The following ALOX12B variants were observed in gnomAD, a reference collection of about 807,000 sequenced individuals.
The protein encoded by ALOX12B is arachidonate 12-lipoxygenase, 12R-type.
Under a neutral mutation model 78.9 loss-of-function variants are expected in ALOX12B, and 47 were observed. That is an observed-to-expected ratio of 0.60 (90% CI 0.47 to 0.76). The LOEUF (loss-of-function observed/expected upper bound fraction) is 0.76. Among genes scored for constraint, ALOX12B ranks in the 30% least tolerant of loss-of-function variants. The probability of loss-of-function intolerance (pLI) is 0.00; values close to 1 mark genes in which losing one functional copy is unlikely to be tolerated. For missense variants in ALOX12B, 805 were observed against 922.6 expected (o/e 0.87, Z 1.65); for synonymous variants, 370 against 374.5 (o/e 0.99, Z 0.14).
Position 8,075,734 on chromosome 17 carries a change from C to A in ALOX12B, c.1533-18G>T. 6.2e-7 allele frequency: 1 copy of A among 1,614,162 alleles called. No homozygotes were observed. The highest frequency in any genetic ancestry group is 8.5e-7 in the Non-Finnish European group (1 of 1,180,016). Reference sequence around the variant, plus strand: ...TCACATACCTGACCAGGGGACAGGGCCTCAGTTTGGATCCTCCTCCCCTCC... The same window carrying A: ...TCACATACCTGACCAGGGGACAGGGACTCAGTTTGGATCCTCCTCCCCTCC... On this transcript the variant is annotated intron_variant, in intron 11 of 14. Transcript: ENST00000647874.
rs759258890 is a variant in ALOX12B at position 8,080,085 on chromosome 17, G to T, written c.755-144C>A. The T allele has an allele frequency of 2.0e-6, 3 of 1,477,218 alleles. No individual in the cohort carries two copies. The highest frequency in any genetic ancestry group is 2.3e-5 in the East Asian group (1 of 43,928). 91.5% of individuals were successfully genotyped at this position (1,477,218 alleles called of 1,614,324 possible). On this transcript the variant is annotated intron_variant, in intron 6 of 14. Transcript: ENST00000647874. This position sits in a 1 kb window ranked among gnomAD's most constrained non-coding sequence, Gnocchi z 4.8. ...AGCCTGGCGCTGAGCGGCCGGAGGA[G>T]CCCGGTGCGACATTTTCCAAGAAGC...
At chr17:8,086,594 T>C (rs1426601684) in intron 1 of ALOX12B, among the ~76,000 whole-genome samples, 6 of 152,288 alleles carry the variant, frequency 3.9e-5, no homozygotes, top group South Asian at 2.1e-4. Context: ...CCTTCTCCCA[T>C]TCATCAATGA....
chr17:8,073,521 G>C (rs1163638571), intron 13 of ALOX12B, 136 bp downstream of exon 13: 6 of 1,065,344 alleles, frequency 5.6e-6, no homozygotes, highest in Non-Finnish European at 8.5e-6. Context: ...GTTTCCGTTG[G>C]GACTGGAGTT....
chr17:8,077,545 C>T (rs1198087454), intron 8 of ALOX12B, among the ~76,000 whole-genome samples: 1 of 152,246 alleles, frequency 6.6e-6, no homozygotes, highest in South Asian at 2.1e-4. Flanking sequence ...GGATTCCTAG[C>T]CCCTCAGGGG....
intron 12 of ALOX12B, 123 bp downstream of exon 12, chr17:8,075,472 T>G: frequency 6.7e-7 from 1 of 1,494,150 alleles, no homozygotes; most frequent in Non-Finnish European, 9.2e-7. Context: ...GGCAGCAATT[T>G]GGTCTCCTTC....
Position 8,076,669 on chromosome 17 carries a change from C to A in ALOX12B, c.1350G>T (p.Gly450=). ...GCAGAAGTCTTACCTTGGCAGAGAGCCCCCCCTCATTGAGGAGAACGGCCC... is the reference window on the plus strand; with the variant it reads ...GCAGAAGTCTTACCTTGGCAGAGAGACCCCCCTCATTGAGGAGAACGGCCC... ...IGRAVLLNEG[G]LSAKGMSLGV... The change falls in exon 10 of 15, where the codon GGG becomes GGT. Residue 450 remains glycine (G), a synonymous_variant. Coordinates refer to ENST00000647874, the MANE Select transcript of ALOX12B (RefSeq NM_001139.3). The A allele has an allele frequency of 6.4e-7, 1 of 1,551,024 alleles. No homozygotes were observed. Among genetic ancestry groups the A allele is most frequent in the South Asian group, 1.2e-5 (1 of 84,032 alleles).
chr17:8,080,835 G>A lies in ALOX12B; in HGVS notation c.527+49C>T. The A allele has an allele frequency of 1.2e-6, 2 of 1,613,870 alleles. No individual in the cohort carries two copies. The highest frequency in any genetic ancestry group is 8.5e-7 in the Non-Finnish European group (1 of 1,179,936). ...TCCAGGGGGCGGGGAGGAGGCAGGC[G>A]CCCAGGGGAAAACCATGGGCGGGGC... On this transcript the variant is annotated intron_variant, in intron 4 of 14. Coordinates refer to ENST00000647874, the MANE Select transcript of ALOX12B (RefSeq NM_001139.3). This position sits in a 1 kb window ranked among gnomAD's most constrained non-coding sequence, Gnocchi z 4.8.
At chr17:8,078,535 C>T (rs1977137502) in intron 8 of ALOX12B, among the ~76,000 whole-genome samples, 1 of 150,264 alleles carries the variant, frequency 6.7e-6, no homozygotes, top group African/African-American at 2.4e-5. Flanking sequence ...CTTTGGGAGG[C>T]TGAGGCGGGA....
Position 8,087,531 on chromosome 17 carries a change from G to A in ALOX12B, c.-89C>T. 1 of 1,598,630 alleles carries A rather than the reference G, an allele frequency of 6.3e-7. No homozygotes were observed. On this transcript the variant is annotated 5_prime_UTR_variant, in exon 1 of 15. Transcript: ENST00000647874. ...GCCCAAGGCAGGCAAGAGAAGCCAG[G>A]CACAGAGTGGAGTGGACAGGGCTGG...
Position 8,080,838 on chromosome 17 carries a change from C to T in ALOX12B, c.527+46G>A. ...AGGGGGCGGGGAGGAGGCAGGCGCCCAGGGGAAAACCATGGGCGGGGCCCA... is the reference window on the plus strand; with the variant it reads ...AGGGGGCGGGGAGGAGGCAGGCGCCTAGGGGAAAACCATGGGCGGGGCCCA... On this transcript the variant is annotated intron_variant, in intron 4 of 14. Transcript: ENST00000647874. The surrounding 1 kb of genome is among the most constrained non-coding windows in gnomAD (Gnocchi z 4.8). 6.2e-7 allele frequency: 1 copy of T among 1,613,910 alleles called. No individual in the cohort carries two copies. Among genetic ancestry groups the T allele is most frequent in the South Asian group, 1.1e-5 (1 of 91,078 alleles).
intron 9 of ALOX12B, 68 bp from the exon 10 acceptor site, chr17:8,076,811 T>C: frequency 6.7e-7 from 1 of 1,496,892 alleles, no homozygotes; most frequent in African/African-American, 1.4e-5. Flanking sequence ...CAGCTCCCCA[T>C]TTCTGTAACG....
intron 2 of ALOX12B, among the ~76,000 whole-genome samples, chr17:8,083,625 A>G (rs562130767): frequency 6.6e-6 from 1 of 152,250 alleles, no homozygotes; most frequent in South Asian, 2.1e-4. Flanking sequence ...GCTACTCTGG[A>G]GGCTGAAGCA....
chr17:8,080,773 C>T lies in ALOX12B; in HGVS notation c.535G>A (p.Gly179Ser), dbSNP rs778419446. Residue 179 changes from glycine (G) to serine (S), a missense_variant, in exon 5 of 15, where the codon GGC (glycine) becomes AGC (serine). Gly to Ser is a moderately conservative substitution (Grantham distance 56, BLOSUM62 0). Transcript: ENST00000647874. This position sits in a 1 kb window ranked among gnomAD's most constrained non-coding sequence, Gnocchi z 4.8. ...HRNPNRPEWN[G>S]YIPGFPILIN... Reference sequence around the variant, plus strand: ...AGAATTGGGAATCCCGGAATATAGCCATTCCACCTGTGGGGAGAAGCGCAG... The same window carrying T: ...AGAATTGGGAATCCCGGAATATAGCTATTCCACCTGTGGGGAGAAGCGCAG... 24 of 1,614,026 alleles carry T rather than the reference C, an allele frequency of 1.5e-5. No individual in the cohort carries two copies. Among genetic ancestry groups the T allele is most frequent in the Non-Finnish European group, 1.9e-5 (23 of 1,180,030 alleles).
chr17:8,082,241 C>A (rs756261207), intron 2 of ALOX12B, among the ~76,000 whole-genome samples: 4 of 152,076 alleles, frequency 2.6e-5, no homozygotes, highest in Non-Finnish European at 5.9e-5. Flanking sequence ...TGGGTATATA[C>A]CACTGAAATA....
Position 8,080,340 on chromosome 17 carries a change from T to A in ALOX12B, c.651-2A>T, listed in dbSNP as rs1187283603. The A allele has an allele frequency of 1.2e-6, 2 of 1,614,092 alleles. No homozygotes were observed. Among genetic ancestry groups the A allele is most frequent in the Admixed American group, 3.3e-5 (2 of 60,030 alleles). The stretch of plus-strand genomic sequence containing the variant: ...CCGCGGACTTTGAAAGCCAGTGCCC[T>A]AGGAGATGGGATTCCAGGAAGAGGC... On this transcript the variant is annotated splice_acceptor_variant, in intron 5 of 14. Coordinates refer to ENST00000647874, the MANE Select transcript of ALOX12B (RefSeq NM_001139.3). LOFTEE classifies it high-confidence loss of function. The surrounding 1 kb of genome is among the most constrained non-coding windows in gnomAD (Gnocchi z 4.8).
Position 8,072,874 on chromosome 17 carries a change from C to T in ALOX12B, c.2003G>A (p.Arg668His), listed in dbSNP as rs756877833. The change falls in exon 15 of 15, where the codon CGC becomes CAC. Residue 668 changes from arginine (R) to histidine (H), a missense_variant. Transcript: ENST00000647874. ...GATGTCGTGTGAGATCTGGTTCAGGCGCTGGCGGAACGCCTCTATGCTCCT... is the reference window on the plus strand; with the variant it reads ...GATGTCGTGTGAGATCTGGTTCAGGTGCTGGCGGAACGCCTCTATGCTCCT... The part of the protein sequence containing the change: ...PRRSIEAFRQ[R>H]LNQISHDIRQ... The T allele has an allele frequency of 1.2e-6, 2 of 1,614,164 alleles. 1 individual carries two copies. Among genetic ancestry groups the T allele is most frequent in the South Asian group, 2.2e-5 (2 of 91,076 alleles).
chr17:8,079,924 A>G lies in ALOX12B; in HGVS notation c.772T>C (p.Trp258Arg). The change falls in exon 7 of 15, where the codon TGG becomes CGG. Residue 258 changes from tryptophan (W) to arginine (R), a missense_variant. Physicochemically the swap from Trp to Arg is moderately radical, Grantham distance 101. Coordinates refer to ENST00000647874, the MANE Select transcript of ALOX12B (RefSeq NM_001139.3). The surrounding 1 kb of genome is among the most constrained non-coding windows in gnomAD (Gnocchi z 6.4). Reference sequence around the variant, plus strand: ...TACCCAAAGAAGGTGTCCTCTGCCCAGTGCTCGGCCACGTACTCTGCGAGG... The same window carrying G: ...TACCCAAAGAAGGTGTCCTCTGCCCGGTGCTCGGCCACGTACTCTGCGAGG... ...SVVSEYVAEH[W>R]AEDTFFGYQY... The G allele has an allele frequency of 6.2e-7, 1 of 1,612,634 alleles. No individual in the cohort carries two copies. The highest frequency in any genetic ancestry group is 8.5e-7 in the Non-Finnish European group (1 of 1,179,572).
chr17:8,081,123 G>A lies in ALOX12B; in HGVS notation c.417C>T (p.Ala139=). ...CCCCTCACTGGTAGAAGTCCTGCTT[G>A]GCTCTGATCTCCTCTTTTCTGTGCT... ...LLEHRKEEIR[A]KQDFYHWRVF... Residue 139 remains alanine (A), a synonymous_variant, in exon 3 of 15, where the codon GCC becomes GCT. Coordinates refer to ENST00000647874, the MANE Select transcript of ALOX12B (RefSeq NM_001139.3). The A allele has an allele frequency of 6.2e-7, 1 of 1,613,748 alleles. No individual in the cohort carries two copies. The highest frequency in any genetic ancestry group is 8.5e-7 in the Non-Finnish European group (1 of 1,179,970).
At chr17:8,073,876 C>T (rs1413968200) in intron 12 of ALOX12B, 119 bp from the exon 13 acceptor site, 15 of 800,974 alleles carry the variant, frequency 1.9e-5, no homozygotes, top group Admixed American at 8.0e-5. Context: ...CTGCCGCATC[C>T]GTACCCTCAT....
Sources: allele counts gnomAD v4.1 joint callset (sites outside exome capture counted in the v4.1 genomes callset), GRCh38; gene constraint gnomAD v4.1.1; non-coding constraint Gnocchi (gnomAD v3.1); transcripts MANE v1.5; gene names NCBI Gene and HGNC (gene_info 2026-07-23, HGNC 2026-07-21).